Variants in MAN1B1 observed in about 807,000 individuals in gnomAD.
The protein encoded by MAN1B1 is mannosidase alpha class 1B member 1.
A neutral mutation model predicts 75.5 loss-of-function variants in MAN1B1; 66 were observed. That is an observed-to-expected ratio of 0.87 (90% CI 0.72 to 1.07). MAN1B1 has a LOEUF of 1.07. Among genes scored for constraint, MAN1B1 ranks in the 50% least tolerant of loss-of-function variants. The pLI, the probability that MAN1B1 is intolerant of heterozygous loss-of-function variation, is 0.00. For missense variants in MAN1B1, 973 were observed against 912.5 expected (o/e 1.07, Z -0.85); for synonymous variants, 453 against 382.8 (o/e 1.18, Z -2.14).
At chr9:137,107,969 C>G in intron 12 of MAN1B1, 1 of 628,724 alleles carries the variant, frequency 1.6e-6, no homozygotes, top group Non-Finnish European at 2.9e-6. Context: ...TTAGGAGGCA[C>G]ACGCACCCAT....
intron 9 of MAN1B1, 76 bp downstream of exon 9, chr9:137,106,391 T>G: frequency 7.6e-7 from 1 of 1,308,276 alleles, no homozygotes; most frequent in Non-Finnish European, 1.0e-6. Flanking sequence ...TGCCCCCAGC[T>G]CCCACGGCCC....
In MAN1B1 at chr9:137,087,218, G is replaced by A. The variant is rs1224834751; in HGVS notation, c.219G>A (p.Arg73=). ...GTTGGCGGCGGCGCTCGTGCTGGAGGGTGAGGGTCGCGCCGGGCTGACTGG... is the reference window on the plus strand; with the variant it reads ...GTTGGCGGCGGCGCTCGTGCTGGAGAGTGAGGGTCGCGCCGGGCTGACTGG... ...SKSWRRRSCW[R]KWKQLSRLQR... The change falls in exon 1 of 13, where the codon AGG becomes AGA. Residue 73 remains arginine, a splice_region_variant and synonymous_variant. Transcript: ENST00000371589. 10 of 1,572,852 alleles carry A rather than the reference G, an allele frequency of 6.4e-6. No homozygotes were observed. Among genetic ancestry groups the A allele is most frequent in the South Asian group, 5.8e-5 (5 of 86,404 alleles).
intron 8 of MAN1B1, chr9:137,102,487 G>A: frequency 2.3e-6 from 1 of 426,570 alleles, no homozygotes; most frequent in South Asian, 1.7e-5. Context: ...TCATTCTGTT[G>A]CAGGCGTGCA....
Position 137,108,494 on chromosome 9 carries a change from T to C in MAN1B1, c.2003T>C (p.Leu668Pro). Reference protein sequence around the residue: ...SFFLGETLKYLFLLFSDDPNL... With the variant: ...SFFLGETLKYPFLLFSDDPNL... Reference sequence around the variant, plus strand: ...TTCCTGGGGGAGACGCTCAAGTATCTGTTCTTGCTCTTCTCCGATGACCCA... The same window carrying C: ...TTCCTGGGGGAGACGCTCAAGTATCCGTTCTTGCTCTTCTCCGATGACCCA... Residue 668 changes from leucine to proline, a missense_variant, in exon 13 of 13, where the codon CTG becomes CCG. By Grantham distance (98) the Leu-to-Pro change is moderately conservative (BLOSUM62 -3). Transcript: ENST00000371589. 6.2e-7 allele frequency: 1 copy of C among 1,614,016 alleles called. No homozygotes were observed. Among genetic ancestry groups the C allele is most frequent in the East Asian group, 2.2e-5 (1 of 44,882 alleles).
intron 8 of MAN1B1, chr9:137,102,128 C>T (rs1301847360): frequency 1.3e-5 from 6 of 450,814 alleles, no homozygotes; most frequent in Non-Finnish European, 2.7e-5. Context: ...TACATTCACG[C>T]TGTTGCAGGC....
chr9:137,087,659 C>T, intron 1 of MAN1B1: 1 of 407,070 alleles, frequency 2.5e-6, no homozygotes, highest in Non-Finnish European at 4.6e-6. Context: ...GCGGACTGTG[C>T]ATCGCCTGGG....
At position 137,107,891 on chromosome 9, in the gene MAN1B1, C is replaced by A. The variant is rs34703858; in HGVS notation, c.1896+229C>A. The A allele has an allele frequency of 0.012, 8,038 of 661,830 alleles. 328 individuals are homozygous for A. The highest frequency in any genetic ancestry group is 4.1e-3 in the Non-Finnish European group (1,521 of 366,560). The allele number at this position is 661,830 out of a possible 1,614,324, so 41.0% of individuals were successfully genotyped here. On this transcript the variant is annotated intron_variant, in intron 12 of 12. Transcript: ENST00000371589. ...CCAGAGTACTTGGAGGGGCTGGGCA[C>A]CCCTCATTTTCATTTCTCAGGGCCT...
chr9:137,088,689 G>A, intron 2 of MAN1B1, 180 bp from the exon 3 acceptor site: 1 of 781,948 alleles, frequency 1.3e-6, no homozygotes, highest in East Asian at 2.7e-5. Context: ...GACACAAACT[G>A]CCAAGTGTTT....
Position 137,100,911 on chromosome 9 carries a change from C to T in MAN1B1, c.917-94C>T, listed in dbSNP as rs1830790169. On this transcript the variant is annotated intron_variant, in intron 6 of 12. Transcript: ENST00000371589. ...CTGGGATTACAGGCATGAGCCACCA[C>T]GCCCAGCCAAATGTATTTTGAAGAT... 2.7e-5 allele frequency: 37 copies of T among 1,367,186 alleles called. No homozygotes were observed. In the South Asian group the frequency reaches 2.7e-4, roughly 10 times the overall value. The allele number at this position is 1,367,186 out of a possible 1,614,324, so 84.7% of individuals were successfully genotyped here. A position where few individuals can be genotyped will look rare whatever the true frequency, so the allele number is the denominator to read the frequency against.
At chr9:137,102,547 G>A (rs1830885537) in intron 8 of MAN1B1, 1 of 406,860 alleles carries the variant, frequency 2.5e-6, no homozygotes, top group Non-Finnish European at 5.0e-6. Flanking sequence ...GGTCGGTGGT[G>A]TTACACACAT....
intron 3 of MAN1B1, 32 bp from the exon 4 acceptor site, chr9:137,096,205 C>T (rs780381522): frequency 1.7e-5 from 28 of 1,613,706 alleles, no homozygotes; most frequent in Non-Finnish European, 2.3e-5. Context: ...GCAGACACCC[C>T]GTGATTTCCT....
chr9:137,094,473 C>T (rs1830600444), intron 3 of MAN1B1: 1 of 400,316 alleles, frequency 2.5e-6, no homozygotes, highest in African/African-American at 2.1e-5. Context: ...GAACTAGTGG[C>T]TCACATCTGT....
At chr9:137,095,773 T>C (rs1246209003) in intron 3 of MAN1B1, among the ~76,000 whole-genome samples, 3 of 152,098 alleles carry the variant, frequency 2.0e-5, no homozygotes, top group African/African-American at 7.2e-5. Context: ...TGGTGGGGGC[T>C]GGCTAGAAGG....
intron 9 of MAN1B1, 97 bp downstream of exon 9, chr9:137,106,412 T>C: frequency 8.5e-7 from 1 of 1,171,588 alleles, no homozygotes; most frequent in South Asian, 1.5e-5. Context: ...CCGCTCCTGC[T>C]GCCCCCCGCC....
In MAN1B1 at chr9:137,107,841, CCACT is replaced by C. The variant is rs1204850103; in HGVS notation, c.1896+180_1896+183del. 7.7e-6 allele frequency: 6 copies of C among 783,528 alleles called. No homozygotes were observed. The South Asian group carries it at 9.6e-5, about 13-fold the overall frequency. 48.5% of individuals were successfully genotyped at this position (783,528 alleles called of 1,614,324 possible). A position where few individuals can be genotyped will look rare whatever the true frequency, so the allele number is the denominator to read the frequency against. On this transcript the variant is annotated intron_variant, in intron 12 of 12. Transcript: ENST00000371589. ...CTTGGGGGCCCTGGCATCCCCATCC[CCACT>C]GAGCTTCATGGTTGTGGGACCCAGA...
At chr9:137,106,388 A>G (rs1434134825) in intron 9 of MAN1B1, 73 bp downstream of exon 9, 2 of 1,266,452 alleles carry the variant, frequency 1.6e-6, no homozygotes, top group East Asian at 5.6e-5. Flanking sequence ...TGCTGCCCCC[A>G]GCTCCCACGG....
rs1030674578 is a variant in MAN1B1, at chr9:137,096,448, C to T, written c.620+57C>T. The T allele has an allele frequency of 6.3e-6, 10 of 1,585,618 alleles. No homozygotes were observed. In the African/African-American group the frequency reaches 1.3e-4, roughly 21 times the overall value. ...GCTCAGGGCTTGATGTTCCGAAAAA[C>T]AAGATTGCGGAAACGCATTGTGTCT... On this transcript the variant is annotated intron_variant, in intron 4 of 12. Coordinates refer to ENST00000371589, the MANE Select transcript of MAN1B1 (RefSeq NM_016219.5).
In MAN1B1 at chr9:137,096,329, A is replaced by G; in HGVS notation, c.558A>G (p.Thr186=). 1.9e-6 allele frequency: 3 copies of G among 1,614,102 alleles called. No homozygotes were observed. The highest frequency in any genetic ancestry group is 2.5e-6 in the Non-Finnish European group (3 of 1,180,040). ...DLKDGTQEEA[T]KRQEAPVDPR... ...AGGATGGGACCCAGGAGGAGGCCACAAAAAGGCAAGAAGCCCCTGTGGATC... is the reference window on the plus strand; with the variant it reads ...AGGATGGGACCCAGGAGGAGGCCACGAAAAGGCAAGAAGCCCCTGTGGATC... Residue 186 remains threonine (T), a synonymous_variant, in exon 4 of 13, where the codon ACA becomes ACG. Transcript: ENST00000371589.
chr9:137,100,863 A>G lies in MAN1B1; in HGVS notation c.917-142A>G, dbSNP rs549802225. ...TCTAACTCCTGGGCTCAAGCAATCC[A>G]CTTGCCTCAGCCTCCCAAAGTGCTG... On this transcript the variant is annotated intron_variant, in intron 6 of 12. Transcript: ENST00000371589. 9.0e-6 allele frequency: 8 copies of G among 886,942 alleles called. No individual in the cohort carries two copies. The East Asian group carries it at 1.1e-4, about 12-fold the overall frequency. 54.9% of individuals were successfully genotyped at this position (886,942 alleles called of 1,614,324 possible). A position where few individuals can be genotyped will look rare whatever the true frequency, so the allele number is the denominator to read the frequency against.
Sources: allele counts gnomAD v4.1 joint callset (sites outside exome capture counted in the v4.1 genomes callset), GRCh38; gene constraint gnomAD v4.1.1; transcripts MANE v1.5; gene names NCBI Gene and HGNC (gene_info 2026-07-23, HGNC 2026-07-21).